Variants in LAIR1 observed in about 807,000 individuals in gnomAD.
The protein encoded by LAIR1 is leukocyte-associated immunoglobulin-like receptor 1.
LAIR1 carries 24 observed loss-of-function variants against 32.8 expected under a neutral mutation model. The ratio of observed to expected loss-of-function variants is 0.73; its 90% confidence interval spans 0.53 to 1.03. LAIR1 has a LOEUF of 1.03. Among genes scored for constraint, LAIR1 ranks in the 50% least tolerant of loss-of-function variants. The pLI, the probability that LAIR1 is intolerant of heterozygous loss-of-function variation, is 0.00. For missense variants in LAIR1, 355 were observed against 347.5 expected (o/e 1.02, Z -0.17); for synonymous variants, 150 against 140.5 (o/e 1.07, Z -0.48).
upstream of LAIR1, among the ~76,000 whole-genome samples, chr19:54,375,252 G>A (rs2122687551): frequency 6.6e-6 from 1 of 152,168 alleles, no homozygotes; most frequent in East Asian, 1.9e-4. Flanking sequence ...CCACCTCCCA[G>A]CCCCAATCCC....
upstream of LAIR1, chr19:54,368,631 C>T (rs184628561): frequency 1.3e-5 from 2 of 152,278 alleles, no homozygotes; most frequent in Non-Finnish European, 2.9e-5. Flanking sequence ...ATTCCTCATG[C>T]TCCTTTGCCT....
upstream of LAIR1, among the ~76,000 whole-genome samples, chr19:54,371,331 G>C (rs879370791): frequency 3.0e-4 from 46 of 151,336 alleles, no homozygotes; most frequent in Middle Eastern, 0.01. Context: ...TTTATTTAAG[G>C]TGGGTCACCG....
intron 3 of LAIR1, 144 bp downstream of exon 3, chr19:54,360,772 A>G (rs2081974347): frequency 1.5e-6 from 1 of 646,470 alleles, no homozygotes; most frequent in Non-Finnish European, 2.6e-6. Flanking sequence ...GTGTGTGCAG[A>G]GGAAGAAGGG....
At chr19:54,371,339 C>T (rs2082401695), upstream of LAIR1, among the ~76,000 whole-genome samples, 1 of 151,326 alleles carries the variant, frequency 6.6e-6, no homozygotes, top group Non-Finnish European at 1.5e-5. Flanking sequence ...AGGTGGGTCA[C>T]CGAGGCTGGA....
chr19:54,366,493 C>A (rs1320195780), upstream of LAIR1, among the ~76,000 whole-genome samples: 17 of 152,058 alleles, frequency 1.1e-4, no homozygotes, highest in African/African-American at 3.6e-4. Context: ...GAAGAAATTT[C>A]TTTTCTTTTT....
At chr19:54,375,094 T>C (rs1014482895), upstream of LAIR1, among the ~76,000 whole-genome samples, 2 of 152,238 alleles carry the variant, frequency 1.3e-5, no homozygotes, top group African/African-American at 4.8e-5. Flanking sequence ...CGATGACGTC[T>C]GTAAGCTCTT....
rs920888066 is a variant in LAIR1 at position 54,355,124 on chromosome 19, T to C, written c.*144A>G. On this transcript the variant is annotated 3_prime_UTR_variant, in exon 10 of 10. Coordinates refer to ENST00000391742, the MANE Select transcript of LAIR1 (RefSeq NM_002287.6). This position sits in a 1 kb window ranked among gnomAD's most constrained non-coding sequence, Gnocchi z 4.7. Reference sequence around the variant, plus strand: ...CTGGATGCTGGTTAGAAACCTCCAGTCTCCAGCTCTTGTCTCCAGGACAGC... The same window carrying C: ...CTGGATGCTGGTTAGAAACCTCCAGCCTCCAGCTCTTGTCTCCAGGACAGC... 7 of 763,600 alleles carry C rather than the reference T, an allele frequency of 9.2e-6. No homozygotes were observed. Among genetic ancestry groups the C allele is most frequent in the African/African-American group, 1.8e-5 (1 of 55,328 alleles). 47.3% of individuals were successfully genotyped at this position (763,600 alleles called of 1,614,324 possible).
At chr19:54,372,116 T>C (rs57016038), upstream of LAIR1, among the ~76,000 whole-genome samples, 528 of 151,820 alleles carry the variant, frequency 3.5e-3, 41 homozygotes, top group African/African-American at 0.012. Flanking sequence ...TATGACCGTA[T>C]GTTTTCAGCT....
At position 54,354,569 on chromosome 19, in the gene LAIR1, A is replaced by G. The variant is rs906609947; in HGVS notation, c.*699T>C. ...TAAATTTTAAAAAGAAAACGCTGAC[A>G]CGTTTTCGTAAGTCCTGTTTCCCTC... is the stretch of plus-strand genomic sequence containing the variant. On this transcript the variant is annotated 3_prime_UTR_variant, in exon 10 of 10. Transcript: ENST00000391742. 6.6e-6 allele frequency: 1 copy of G among 152,206 alleles called. No homozygotes were observed. The highest frequency in any genetic ancestry group is 2.4e-5 in the African/African-American group (1 of 41,446). 9.4% of individuals were successfully genotyped at this position (152,206 alleles called of 1,614,324 possible).
In LAIR1 at chr19:54,355,382, C is replaced by T. The variant is rs749650618; in HGVS notation, c.750G>A (p.Thr250=). ...ALAAGSSQEV[T]YAQLDHWALT... ...GGGCCCAGTGGTCCAGCTGAGCATACGTCACCTCCTGGGAACTCCCTGCAG... is the reference window on the plus strand; with the variant it reads ...GGGCCCAGTGGTCCAGCTGAGCATATGTCACCTCCTGGGAACTCCCTGCAG... Residue 250 remains threonine, a synonymous_variant, in exon 10 of 10, where the codon ACG becomes ACA. Coordinates refer to ENST00000391742, the MANE Select transcript of LAIR1 (RefSeq NM_002287.6). The surrounding 1 kb of genome is among the most constrained non-coding windows in gnomAD (Gnocchi z 4.7). 3.2e-5 allele frequency: 52 copies of T among 1,611,452 alleles called. 1 individual carries two copies. The highest frequency in any genetic ancestry group is 2.4e-4 in the South Asian group (22 of 90,804).
upstream of LAIR1, among the ~76,000 whole-genome samples, chr19:54,373,376 G>C (rs189334525): frequency 1.3e-5 from 2 of 149,256 alleles, no homozygotes; most frequent in African/African-American, 4.9e-5. Context: ...CCCGGGAGGC[G>C]GAGCTTGCAG....
intron 4 of LAIR1, chr19:54,359,744 G>C (rs914706834): frequency 3.0e-6 from 1 of 332,696 alleles, no homozygotes; most frequent in African/African-American, 2.1e-5. Flanking sequence ...GAGAGGAGGA[G>C]GAGTTAGAGG....
chr19:54,368,997 T>A (rs1447760965), upstream of LAIR1, among the ~76,000 whole-genome samples: 4 of 151,302 alleles, frequency 2.6e-5, no homozygotes, highest in Non-Finnish European at 5.9e-5. Context: ...GACTAATTCA[T>A]TTTTTAAACA....
chr19:54,364,740 T>C lies in LAIR1; in HGVS notation c.34+31A>G. 6.3e-7 allele frequency: 1 copy of C among 1,592,860 alleles called. No homozygotes were observed. Among genetic ancestry groups the C allele is most frequent in the East Asian group, 2.2e-5 (1 of 44,760 alleles). On this transcript the variant is annotated intron_variant, in intron 1 of 9. Coordinates refer to ENST00000391742, the MANE Select transcript of LAIR1 (RefSeq NM_002287.6). The surrounding 1 kb of genome is among the most constrained non-coding windows in gnomAD (Gnocchi z 4.8). ...AATTTTCCAGACCTCCCGACCCCCT[T>C]TCCAGCCTCCCGGCTGCCTCCAGGA...
upstream of LAIR1, among the ~76,000 whole-genome samples, chr19:54,373,317 A>G (rs8111165): frequency 0.54 from 80,473 of 149,930 alleles, 23,437 homozygotes; most frequent in East Asian, 0.82. Context: ...GGTGGCGGGC[A>G]CCTGTAGTCC....
chr19:54,371,916 G>A (rs979994989), upstream of LAIR1, among the ~76,000 whole-genome samples: 7 of 151,492 alleles, frequency 4.6e-5, no homozygotes, highest in East Asian at 1.9e-4. Flanking sequence ...CCATTTGGGC[G>A]GGCTTATTTC....
intron 8 of LAIR1, 82 bp downstream of exon 8, chr19:54,356,148 C>T: frequency 7.2e-7 from 1 of 1,397,904 alleles, no homozygotes; most frequent in Non-Finnish European, 1.0e-6. Context: ...AGATTCTTCC[C>T]CCCACCCCCC....
At chr19:54,372,078 T>C (rs1308526287), upstream of LAIR1, among the ~76,000 whole-genome samples, 3 of 151,734 alleles carry the variant, frequency 2.0e-5, no homozygotes, top group East Asian at 1.9e-4. Context: ...GTTTGGGCGA[T>C]TATGAATAAA....
the LAIR1 span, among the ~76,000 whole-genome samples, chr19:54,376,068 T>TGAGGGGAAAGAGGAAGAGA: frequency 0.041 from 6,126 of 151,116 alleles, 165 homozygotes; most frequent in Middle Eastern, 0.11. Context: ...CTGTTACCAG[T>TGAGGGGAAAGAGGAAGAGA]GAGGGGAAAG....
Sources: allele counts gnomAD v4.1 joint callset (sites outside exome capture counted in the v4.1 genomes callset), GRCh38; gene constraint gnomAD v4.1.1; non-coding constraint Gnocchi (gnomAD v3.1); transcripts MANE v1.5; gene names NCBI Gene and HGNC (gene_info 2026-07-23, HGNC 2026-07-21).